Variants in GFPT1 observed in about 807,000 individuals in gnomAD.
GFPT1 encodes glutamine--fructose-6-phosphate aminotransferase [isomerizing] 1.
GFPT1 carries 40 observed loss-of-function variants against 92.0 expected under a neutral mutation model. That is an observed-to-expected ratio of 0.43 (90% CI 0.34 to 0.57). The LOEUF (loss-of-function observed/expected upper bound fraction) is 0.57, where lower values mean the gene tolerates loss of function less well. Ranked by LOEUF, GFPT1 falls within the 20% of genes least tolerant of loss-of-function variation. GFPT1 has a pLI of 0.02. For synonymous variants in GFPT1, 269 were observed against 280.6 expected, an observed-to-expected ratio of 0.96 and a Z score of 0.41; for missense variants, 448 against 869.1, an observed-to-expected ratio of 0.52 and a Z score of 6.09.
At chr2:69,340,837 C>A (rs1188786566) in intron 13 of GFPT1, among the ~76,000 whole-genome samples, 1 of 152,154 alleles carries the variant, frequency 6.6e-6, no homozygotes, top group East Asian at 1.9e-4. Flanking sequence ...ATTTCTGCCC[C>A]CAAATTGTCT....
At chr2:69,373,036 T>C (rs1424904929) in intron 2 of GFPT1, among the ~76,000 whole-genome samples, 1 of 152,240 alleles carries the variant, frequency 6.6e-6, no homozygotes, top group Non-Finnish European at 1.5e-5. Flanking sequence ...AGGGTGCCTA[T>C]GTGACCAACC....
chr2:69,351,534 G>A (rs1017473643), intron 9 of GFPT1, among the ~76,000 whole-genome samples: 5 of 152,096 alleles, frequency 3.3e-5, no homozygotes, highest in Non-Finnish European at 1.5e-5. Context: ...GCATTCAAAT[G>A]TGCTATTTAT....
Position 69,375,456 on chromosome 2 carries a change from C to CGTTA in GFPT1, c.8-1344_8-1343insTAAC, listed in dbSNP as rs745838215. On this transcript the variant is annotated intron_variant, in intron 1 of 19. Coordinates refer to ENST00000357308, the MANE Select transcript of GFPT1 (RefSeq NM_001244710.2). ...TTGATACCCAACAGGAAAGCCATAA[C>CGTTA]ATACATGCTGATCACCATGATCAAT... Among the ~76,000 whole-genome samples the CGTTA allele has an allele frequency of 3.0e-3, 462 of 152,250 alleles. 4 individuals carry two copies. Among genetic ancestry groups the CGTTA allele is most frequent in the Non-Finnish European group, 4.3e-3 (292 of 68,018 alleles).
intron 6 of GFPT1, among the ~76,000 whole-genome samples, chr2:69,357,641 G>A (rs1331250147): frequency 3.3e-5 from 5 of 152,188 alleles, no homozygotes; most frequent in African/African-American, 7.2e-5. Flanking sequence ...GGGCTGGACC[G>A]TATTTGGGAA....
chr2:69,362,932 C>A (rs1281261591), intron 4 of GFPT1, among the ~76,000 whole-genome samples: 1 of 152,026 alleles, frequency 6.6e-6, no homozygotes, highest in Non-Finnish European at 1.5e-5. Flanking sequence ...GAGAGATATG[C>A]CCTAAGGACA....
intron 11 of GFPT1, among the ~76,000 whole-genome samples, 197 bp downstream of exon 11, chr2:69,347,974 T>G (rs1404723712): frequency 6.7e-6 from 1 of 150,070 alleles, no homozygotes; most frequent in Non-Finnish European, 1.5e-5. Flanking sequence ...AACAAATCAT[T>G]AATTAGTTTG....
chr2:69,338,354 T>C, intron 14 of GFPT1, 91 bp downstream of exon 14: 2 of 1,110,734 alleles, frequency 1.8e-6, no homozygotes, highest in South Asian at 1.3e-5. Flanking sequence ...GCAATGCCAG[T>C]TTATCTTTAA....
At chr2:69,361,321 G>A (rs1350405285) in intron 4 of GFPT1, among the ~76,000 whole-genome samples, 2 of 151,520 alleles carry the variant, frequency 1.3e-5, no homozygotes, top group Non-Finnish European at 2.9e-5. Flanking sequence ...GGTGTCAGGC[G>A]CCTGTAATTC....
At chr2:69,335,665 T>A (rs1670776590) in intron 15 of GFPT1, among the ~76,000 whole-genome samples, 1 of 152,262 alleles carries the variant, frequency 6.6e-6, no homozygotes, top group African/African-American at 2.4e-5. Context: ...TTAATTACCA[T>A]ATGGAGAAAA....
At chr2:69,369,842 C>T (rs1191862158) in intron 3 of GFPT1, among the ~76,000 whole-genome samples, 159 bp downstream of exon 3, 2 of 152,094 alleles carry the variant, frequency 1.3e-5, no homozygotes, top group East Asian at 3.8e-4. Context: ...CTAGTCCAGA[C>T]AGTAACAAAA....
In GFPT1 at chr2:69,356,152, C is replaced by G. The variant is rs373470146; in HGVS notation, c.605+344G>C. Reference sequence around the variant, plus strand: ...GGGATTACAGGCATGTGCTACCACACCCGGCTAATTTTTCTATATTTAGTA... The same window carrying G: ...GGGATTACAGGCATGTGCTACCACAGCCGGCTAATTTTTCTATATTTAGTA... On this transcript the variant is annotated intron_variant, in intron 7 of 19. Transcript: ENST00000357308. Among the ~76,000 whole-genome samples, 28 of 152,058 alleles carry G rather than the reference C, an allele frequency of 1.8e-4. 1 individual carries two copies. The East Asian group carries it at 5.2e-3, about 28-fold the overall frequency.
At chr2:69,329,489 G>A in intron 16 of GFPT1, 65 bp from the exon 17 acceptor site, 2 of 1,281,246 alleles carry the variant, frequency 1.6e-6, no homozygotes, top group Non-Finnish European at 1.1e-6. Context: ...TATATTGGCA[G>A]CAAATAACAA....
At position 69,325,903 on chromosome 2, in the gene GFPT1, GAA is replaced by G; in HGVS notation, c.*284_*285del. 2 of 347,788 alleles carry G rather than the reference GAA, an allele frequency of 5.8e-6. No homozygotes were observed. The highest frequency in any genetic ancestry group is 5.2e-6 in the Non-Finnish European group (1 of 191,258). 21.5% of individuals were successfully genotyped at this position (347,788 alleles called of 1,614,324 possible). ...TTCTCAGATTGAAGTGGAGGGTCCA[GAA>G]ATGCAACACCCAGCATTCTTTAAAG... On this transcript the variant is annotated 3_prime_UTR_variant, in exon 20 of 20. Transcript: ENST00000357308.
chr2:69,369,247 A>G (rs75579706), intron 3 of GFPT1, among the ~76,000 whole-genome samples: 1,808 of 149,630 alleles, frequency 0.012, 33 homozygotes, highest in African/African-American at 0.042. Context: ...CTTATGTGGG[A>G]AAAAAAAAAG....
At chr2:69,346,740 CTT>C (rs796785994) in intron 11 of GFPT1, among the ~76,000 whole-genome samples, 10 of 148,196 alleles carry the variant, frequency 6.7e-5, no homozygotes, top group African/African-American at 2.5e-4. Context: ...CTTATTTTTA[CTT>C]TTTTTTTTGA....
In GFPT1 at chr2:69,365,435, G is replaced by A. The variant is rs1298272998; in HGVS notation, c.224-1765C>T. On this transcript the variant is annotated intron_variant, in intron 3 of 19. Transcript: ENST00000357308. The stretch of plus-strand genomic sequence containing the variant: ...TGCAGTGAGCTGAGATCATGCCACT[G>A]CCCTCCAGCCTGGGCGAAAGAGCAA... Among the ~76,000 whole-genome samples, 5 of 152,316 alleles carry A rather than the reference G, an allele frequency of 3.3e-5. No homozygotes were observed. The South Asian group carries it at 1.0e-3, about 32-fold the overall frequency.
intron 2 of GFPT1, among the ~76,000 whole-genome samples, chr2:69,371,076 C>CT (rs1156764424): frequency 0.11 from 14,296 of 127,736 alleles, 1,009 homozygotes; most frequent in Non-Finnish European, 0.15. Flanking sequence ...CTTTTCTTTT[C>CT]TTTTTTTTTT....
intron 9 of GFPT1, among the ~76,000 whole-genome samples, chr2:69,353,953 T>C (rs1671273210): frequency 6.6e-6 from 1 of 152,222 alleles, no homozygotes; most frequent in African/African-American, 2.4e-5. Flanking sequence ...CACACAATGC[T>C]CTTTTCCTAA....
intron 10 of GFPT1, 44 bp from the exon 11 acceptor site, chr2:69,348,378 C>G (rs770769978): frequency 7.1e-7 from 1 of 1,417,872 alleles, no homozygotes. Context: ...AACCAAGGAT[C>G]ATTATTACAA....
Sources: gnomAD v4.1 joint callset for allele counts (sites outside exome capture counted in the v4.1 genomes callset) on GRCh38, gnomAD v4.1.1 for gene constraint, MANE v1.5 for transcripts, NCBI Gene and HGNC (gene_info 2026-07-23, HGNC 2026-07-21) for gene names.